GLIS1: variants seen among roughly 807,000 people sequenced by gnomAD.
The protein encoded by GLIS1 is GLIS family zinc finger 1.
In GLIS1, 24 loss-of-function variants were observed where a neutral mutation model predicts 63.8. The ratio of observed to expected loss-of-function variants is 0.38; its 90% confidence interval spans 0.27 to 0.53. The LOEUF is 0.53. GLIS1 is among the 20% of genes least tolerant of loss of function. The pLI, the probability that GLIS1 is intolerant of heterozygous loss-of-function variation, is 0.85. For missense variants in GLIS1, 1,036 were observed against 1,074.1 expected, an observed-to-expected ratio of 0.96 and a Z score of 0.50; for synonymous variants, 450 against 482.5, an observed-to-expected ratio of 0.93 and a Z score of 0.88.
At chr1:53,679,801 C>T (rs2100423848) in intron 2 of GLIS1, among the ~76,000 whole-genome samples, 1 of 152,360 alleles carries the variant, frequency 6.6e-6, no homozygotes, top group African/African-American at 2.4e-5. Flanking sequence ...CATGCTGACA[C>T]ACGGTGGACA....
chr1:53,585,972 G>A (rs1249681856), intron 4 of GLIS1, among the ~76,000 whole-genome samples: 1 of 152,242 alleles, frequency 6.6e-6, no homozygotes, highest in African/African-American at 2.4e-5. Flanking sequence ...TGCATGGCTA[G>A]TGAGCAGCAG....
intron 2 of GLIS1, among the ~76,000 whole-genome samples, chr1:53,635,532 T>C (rs1037789125): frequency 6.7e-6 from 1 of 149,950 alleles, no homozygotes; most frequent in Non-Finnish European, 1.5e-5. Flanking sequence ...AAGTTAAATA[T>C]CCACCACAAG....
chr1:53,556,418 G>GGTGT (rs1644827698), intron 4 of GLIS1, among the ~76,000 whole-genome samples: 1 of 129,300 alleles, frequency 7.7e-6, no homozygotes, highest in African/African-American at 3.0e-5. Flanking sequence ...GTGTACTGTA[G>GGTGT]GTATGTGTGT....
At chr1:53,571,415 A>G (rs149466697) in intron 4 of GLIS1, among the ~76,000 whole-genome samples, 1 of 152,344 alleles carries the variant, frequency 6.6e-6, no homozygotes, top group East Asian at 1.9e-4. Context: ...AAAAAGAGAC[A>G]TGAACAAGAA....
At chr1:53,625,796 CA>C (rs1645588053) in intron 2 of GLIS1, among the ~76,000 whole-genome samples, 1 of 152,232 alleles carries the variant, frequency 6.6e-6, no homozygotes, top group African/African-American at 2.4e-5. Flanking sequence ...CCCTTCAGGT[CA>C]ATCCATCCGT....
chr1:53,510,526 C>T (rs1644288427), intron 8 of GLIS1, among the ~76,000 whole-genome samples: 1 of 152,192 alleles, frequency 6.6e-6, no homozygotes, highest in Non-Finnish European at 1.5e-5. Flanking sequence ...CCCTGACTTG[C>T]CCCAGGTCCT....
At chr1:53,640,654 G>A (rs1645777316) in intron 2 of GLIS1, among the ~76,000 whole-genome samples, 3 of 152,176 alleles carry the variant, frequency 2.0e-5, no homozygotes, top group South Asian at 2.1e-4. Context: ...CCTCCCCAGA[G>A]CCCTGTGACA....
Position 53,737,871 on chromosome 1 carries a change from T to G in GLIS1, c.194A>C (p.His65Pro), listed in dbSNP as rs1646927072. 1 of 1,230,790 alleles carries G rather than the reference T, an allele frequency of 8.1e-7. No individual in the cohort carries two copies. Among genetic ancestry groups the G allele is most frequent in the African/African-American group, 1.6e-5 (1 of 64,302 alleles). The allele number at this position is 1,230,790 out of a possible 1,614,324, so 76.2% of individuals were successfully genotyped here. ...ARPPAPPPRA[H>P]DLLRPRSPRD... Reference sequence around the variant, plus strand: ...GGGACTGCGGGGCCGGAGGAGGTCGTGGGCGCGCGGTGGCGGCGCAGGCGG... The same window carrying G: ...GGGACTGCGGGGCCGGAGGAGGTCGGGGGCGCGCGGTGGCGGCGCAGGCGG... Residue 65 changes from histidine to proline, a missense_variant, in exon 2 of 11, where the codon CAC becomes CCC. This residue lies in a region of GLIS1 where 592 missense variants were observed against 593.9 expected (regional missense o/e 1.00). Coordinates refer to ENST00000628545, the MANE Select transcript of GLIS1 (RefSeq NM_001367484.1).
At chr1:53,627,626 A>G (rs978505577) in intron 2 of GLIS1, among the ~76,000 whole-genome samples, 4 of 152,236 alleles carry the variant, frequency 2.6e-5, no homozygotes, top group African/African-American at 9.6e-5. Flanking sequence ...TCATGCAGAC[A>G]GTCTAGAAGA....
At chr1:53,612,331 C>G (rs1158505757) in intron 2 of GLIS1, among the ~76,000 whole-genome samples, 1 of 152,032 alleles carries the variant, frequency 6.6e-6, no homozygotes, top group Non-Finnish European at 1.5e-5. Context: ...GCTCCGCCTC[C>G]CGGGTTCACA....
At chr1:53,682,685 G>A (rs1171113164) in intron 2 of GLIS1, among the ~76,000 whole-genome samples, 1 of 152,238 alleles carries the variant, frequency 6.6e-6, no homozygotes, top group East Asian at 1.9e-4. Flanking sequence ...TTCACCATTG[G>A]TTAATCTAGG....
chr1:53,536,510 G>A (rs1015769868), intron 4 of GLIS1, among the ~76,000 whole-genome samples: 4 of 152,016 alleles, frequency 2.6e-5, no homozygotes, highest in African/African-American at 9.7e-5. Flanking sequence ...AACGTTCCCC[G>A]CTGAGGAAGC....
intron 2 of GLIS1, among the ~76,000 whole-genome samples, chr1:53,732,933 G>C (rs1646877937): frequency 6.6e-6 from 1 of 152,148 alleles, no homozygotes; most frequent in South Asian, 2.1e-4. Flanking sequence ...ATTGAGAGAA[G>C]GAAGGGAAAT....
rs1644300801 is a variant in GLIS1, at chr1:53,511,797, G to A, written c.1884-1770C>T. ...CTGGGCTGGGGCCTGGCCGGAGAGT[G>A]GCTCCTCCTTCCTGCAGGCCTGCTG... is the stretch of plus-strand genomic sequence containing the variant. On this transcript the variant is annotated intron_variant, in intron 8 of 10. Transcript: ENST00000628545. The surrounding 1 kb of genome is among the most constrained non-coding windows in gnomAD (Gnocchi z 4.2). Among the ~76,000 whole-genome samples, 1 of 152,142 alleles carries A rather than the reference G, an allele frequency of 6.6e-6. No individual in the cohort carries two copies. The highest frequency in any genetic ancestry group is 1.5e-5 in the Non-Finnish European group (1 of 68,026).
In GLIS1 at chr1:53,596,964, C is replaced by T. The variant is rs114239255; in HGVS notation, c.438-1974G>A. 8.7e-3 allele frequency among the ~76,000 whole-genome samples: 1,315 copies of T among 152,004 alleles called. 25 individuals carry two copies. Among genetic ancestry groups the T allele is most frequent in the African/African-American group, 0.031 (1,274 of 41,464 alleles). On this transcript the variant is annotated intron_variant, in intron 3 of 10. Coordinates refer to ENST00000628545, the MANE Select transcript of GLIS1 (RefSeq NM_001367484.1). ...TGCTGAAGAAGTGGGAAGACCAGGTCCCTGACCTTGGGCAGCTCCCCTTCC... is the reference window on the plus strand; with the variant it reads ...TGCTGAAGAAGTGGGAAGACCAGGTTCCTGACCTTGGGCAGCTCCCCTTCC...
intron 3 of GLIS1, among the ~76,000 whole-genome samples, chr1:53,599,715 A>G (rs949596562): frequency 6.6e-6 from 1 of 152,216 alleles, no homozygotes; most frequent in Non-Finnish European, 1.5e-5. Flanking sequence ...TCTGTGGGCC[A>G]TGGTCTCCTG....
At chr1:53,645,793 AG>A (rs1557499680) in intron 2 of GLIS1, among the ~76,000 whole-genome samples, 1 of 152,132 alleles carries the variant, frequency 6.6e-6, no homozygotes, top group African/African-American at 2.4e-5. Context: ...CATAGAATTT[AG>A]GGGGCAGCAG....
chr1:53,710,138 A>G (rs971356795), intron 2 of GLIS1, among the ~76,000 whole-genome samples: 3 of 152,294 alleles, frequency 2.0e-5, no homozygotes, highest in Admixed American at 1.3e-4. Context: ...GAACCCCCAG[A>G]GAATCCAGGG....
chr1:53,601,343 T>A (rs1008570129), intron 2 of GLIS1, among the ~76,000 whole-genome samples: 2 of 152,162 alleles, frequency 1.3e-5, no homozygotes, highest in African/African-American at 4.8e-5. Context: ...GGAAAATTGT[T>A]CTTATTGTTA....
Sources: allele counts gnomAD v4.1 joint callset (sites outside exome capture counted in the v4.1 genomes callset), GRCh38; gene constraint gnomAD v4.1.1; regional missense constraint gnomAD v4.1.1; non-coding constraint Gnocchi (gnomAD v3.1); transcripts MANE v1.5; gene names NCBI Gene and HGNC (gene_info 2026-07-23, HGNC 2026-07-21).